The following CD2 variants were observed in gnomAD, a reference collection of about 807,000 sequenced individuals.
CD2 encodes the protein T-cell surface antigen CD2.
Under a neutral mutation model 23.2 loss-of-function variants are expected in CD2, and 18 were observed. That is an observed-to-expected ratio of 0.77 (90% CI 0.54 to 1.15). The LOEUF (loss-of-function observed/expected upper bound fraction) is 1.15. Among genes scored for constraint, CD2 ranks in the 50% most tolerant of loss-of-function variants. The pLI is 0.00. For synonymous variants in CD2, 162 were observed against 151.9 expected (o/e 1.07, Z -0.49); for missense variants, 424 against 423.1 (o/e 1.00, Z -0.02).
intron 4 of CD2, among the ~76,000 whole-genome samples, chr1:116,768,167 G>C (rs566968492): frequency 6.6e-6 from 1 of 152,290 alleles, no homozygotes; most frequent in East Asian, 1.9e-4. Flanking sequence ...CAGAGGTAGG[G>C]TTCCAGGTCT....
intron 2 of CD2, among the ~76,000 whole-genome samples, chr1:116,756,451 CTTGTTATATA>C (rs1218332143): frequency 6.6e-6 from 1 of 152,084 alleles, no homozygotes; most frequent in Non-Finnish European, 1.5e-5. Context: ...TTATTATCTC[CTTGTTATATA>C]TAAGAAAACA....
At chr1:116,762,618 T>TA (rs1385917398) in intron 3 of CD2, among the ~76,000 whole-genome samples, 3 of 152,186 alleles carry the variant, frequency 2.0e-5, no homozygotes, top group Non-Finnish European at 4.4e-5. Flanking sequence ...TTTACATACT[T>TA]AAAATCAAAA....
intron 2 of CD2, among the ~76,000 whole-genome samples, chr1:116,755,214 G>A (rs1040511111): frequency 2.2e-4 from 33 of 152,186 alleles, no homozygotes; most frequent in African/African-American, 8.0e-4. Context: ...GAAGAACCTG[G>A]ATTAAGGTGG....
chr1:116,763,661 T>C (rs1454221363), intron 3 of CD2, among the ~76,000 whole-genome samples: 1 of 152,132 alleles, frequency 6.6e-6, no homozygotes, highest in Admixed American at 6.5e-5. Flanking sequence ...GGTTTCATTA[T>C]CTCCACTTTA....
chr1:116,760,287 T>A, intron 2 of CD2, 115 bp from the exon 3 acceptor site: 2 of 713,452 alleles, frequency 2.8e-6, no homozygotes, highest in Non-Finnish European at 4.7e-6. Flanking sequence ...TTGCTAGAGG[T>A]CTTTGACATT....
At chr1:116,755,627 C>G (rs1651817862) in intron 2 of CD2, among the ~76,000 whole-genome samples, 1 of 152,060 alleles carries the variant, frequency 6.6e-6, no homozygotes, top group African/African-American at 2.4e-5. Context: ...GAGTGAGGAC[C>G]AATTAAATCA....
chr1:116,768,630 A>G lies in CD2; in HGVS notation c.903A>G (p.Gly301=). The G allele has an allele frequency of 6.2e-7, 1 of 1,613,938 alleles. No homozygotes were observed. The highest frequency in any genetic ancestry group is 8.5e-7 in the Non-Finnish European group (1 of 1,179,994). ...QAPSHRPPPP[G]HRVQHQPQKR... ...CTAGTCATCGTCCCCCGCCTCCTGG[A>G]CACCGTGTTCAGCACCAGCCTCAGA... is the stretch of plus-strand genomic sequence containing the variant. The change falls in exon 5 of 5, where the codon GGA becomes GGG. Residue 301 remains glycine (G), a synonymous_variant. Transcript: ENST00000369478.
At position 116,754,739 on chromosome 1, in the gene CD2, T is replaced by C; in HGVS notation, c.170T>C (p.Ile57Thr). ...CAAATGAGTGATGATATTGACGATA[T>C]AAAATGGGAAAAAACTTCAGACAAG... is the stretch of plus-strand genomic sequence containing the variant. ...SFQMSDDIDD[I>T]KWEKTSDKKK... Residue 57 changes from isoleucine to threonine, a missense_variant, in exon 2 of 5, where the codon ATA (isoleucine) becomes ACA (threonine). By Grantham distance (89) the Ile-to-Thr change is moderately conservative (BLOSUM62 -1). Transcript: ENST00000369478. 2 of 1,613,546 alleles carry C rather than the reference T, an allele frequency of 1.2e-6. No individual in the cohort carries two copies. The highest frequency in any genetic ancestry group is 8.5e-7 in the Non-Finnish European group (1 of 1,179,796).
intron 4 of CD2, among the ~76,000 whole-genome samples, chr1:116,767,842 A>G (rs560623099): frequency 6.6e-6 from 1 of 152,242 alleles, no homozygotes; most frequent in African/African-American, 2.4e-5. Flanking sequence ...GCTTTCATGG[A>G]CTGAAGTCAC....
At chr1:116,755,229 A>G (rs1217245714) in intron 2 of CD2, among the ~76,000 whole-genome samples, 1 of 152,188 alleles carries the variant, frequency 6.6e-6, no homozygotes, top group African/African-American at 2.4e-5. Flanking sequence ...AGGTGGCATT[A>G]ATCGGGAGGG....
intron 4 of CD2, among the ~76,000 whole-genome samples, chr1:116,767,329 C>T (rs1652245055): frequency 6.6e-6 from 1 of 152,116 alleles, no homozygotes; most frequent in Non-Finnish European, 1.5e-5. Context: ...TGCGGTGGCT[C>T]ATACCTGTAA....
intron 2 of CD2, among the ~76,000 whole-genome samples, chr1:116,755,531 T>A (rs928103555): frequency 3.3e-5 from 5 of 152,180 alleles, no homozygotes; most frequent in African/African-American, 9.7e-5. Flanking sequence ...GCTTTGTATA[T>A]CTCTGCCTGT....
intron 2 of CD2, among the ~76,000 whole-genome samples, chr1:116,760,188 G>A (rs1412805682): frequency 6.6e-6 from 1 of 152,140 alleles, no homozygotes; most frequent in Non-Finnish European, 1.5e-5. Context: ...ACACTATTTA[G>A]TGGCATAATG....
intron 2 of CD2, among the ~76,000 whole-genome samples, chr1:116,755,923 C>A (rs1163486541): frequency 1.3e-4 from 20 of 152,134 alleles, no homozygotes; most frequent in Non-Finnish European, 2.9e-5. Context: ...GGGAGGCAGA[C>A]AGGAACCCCA....
chr1:116,754,563 A>C lies in CD2; in HGVS notation c.61+10A>C, dbSNP rs1213919665. 1.2e-6 allele frequency: 2 copies of C among 1,612,424 alleles called. No homozygotes were observed. On this transcript the variant is annotated intron_variant, in intron 1 of 4. Transcript: ENST00000369478. ...AATGTTTCTTCCAAAGGTAAGCATA[A>C]GAGTCAAAGAAGTCCCAACCCAGCT...
chr1:116,755,556 A>G (rs1353535076), intron 2 of CD2, among the ~76,000 whole-genome samples: 1 of 152,108 alleles, frequency 6.6e-6, no homozygotes, highest in African/African-American at 2.4e-5. Flanking sequence ...GGAGGACAGG[A>G]GTGGATATTG....
intron 3 of CD2, among the ~76,000 whole-genome samples, chr1:116,762,445 G>A (rs377055935): frequency 3.3e-5 from 5 of 152,238 alleles, no homozygotes; most frequent in South Asian, 4.2e-4. Flanking sequence ...AGCTCATTGC[G>A]AGAAGGACCA....
At chr1:116,764,351 C>A (rs1245115416) in intron 3 of CD2, 133 bp from the exon 4 acceptor site, 26 of 1,377,316 alleles carry the variant, frequency 1.9e-5, no homozygotes, top group Non-Finnish European at 2.5e-5. Context: ...CCTCTGTGAG[C>A]CTGGGAGTTA....
At position 116,768,938 on chromosome 1, in the gene CD2, C is replaced by G. The variant is rs1023143948; in HGVS notation, c.*155C>G. 1.4e-6 allele frequency: 1 copy of G among 714,340 alleles called. No individual in the cohort carries two copies. Among genetic ancestry groups the G allele is most frequent in the African/African-American group, 1.8e-5 (1 of 55,656 alleles). The allele number at this position is 714,340 out of a possible 1,614,324, so 44.3% of individuals were successfully genotyped here. On this transcript the variant is annotated 3_prime_UTR_variant, in exon 5 of 5. Transcript: ENST00000369478. ...GCCACCTCTGCATCTTCGAACTCAG[C>G]CATGTGGTCAACATCTGGAGTTTTT...
Sources: gnomAD v4.1 joint callset for allele counts (sites outside exome capture counted in the v4.1 genomes callset) on GRCh38, gnomAD v4.1.1 for gene constraint, MANE v1.5 for transcripts, NCBI Gene and HGNC (gene_info 2026-07-23, HGNC 2026-07-21) for gene names.